The following SLC39A12 variants were observed in gnomAD, a reference collection of about 807,000 sequenced individuals.
SLC39A12 encodes the protein zinc transporter ZIP12.
A neutral mutation model predicts 71.1 loss-of-function variants in SLC39A12; 63 were observed. That is an observed-to-expected ratio of 0.89 (90% confidence interval 0.72 to 1.09). SLC39A12 has a LOEUF of 1.09. Ranked by LOEUF, SLC39A12 falls within the 50% of genes least tolerant of loss-of-function variation. SLC39A12 has a pLI of 0.00. For synonymous variants in SLC39A12, 351 were observed against 301.3 expected, an observed-to-expected ratio of 1.16 and a Z score of -1.71; for missense variants, 892 against 812.6, an observed-to-expected ratio of 1.10 and a Z score of -1.19.
intron 12 of SLC39A12, among the ~76,000 whole-genome samples, chr10:18,011,001 C>T (rs952937750): frequency 3.9e-5 from 6 of 152,086 alleles, no homozygotes; most frequent in South Asian, 4.1e-4. Context: ...CTTTTCATTT[C>T]GTTTCTCTTT....
chr10:17,996,080 CATT>C (rs1326138493), intron 10 of SLC39A12, among the ~76,000 whole-genome samples: 1 of 152,118 alleles, frequency 6.6e-6, no homozygotes, highest in Non-Finnish European at 1.5e-5. Flanking sequence ...ATGGATATAT[CATT>C]GTTTTTTCAT....
At chr10:18,022,795 G>T (rs1288914973) in intron 12 of SLC39A12, among the ~76,000 whole-genome samples, 2 of 152,158 alleles carry the variant, frequency 1.3e-5, no homozygotes, top group Non-Finnish European at 2.9e-5. Flanking sequence ...ATTTGAGCCT[G>T]GTCGGTTAGC....
chr10:18,000,771 T>C lies in SLC39A12; in HGVS notation c.1705T>C (p.Ser569Pro). The C allele has an allele frequency of 1.2e-6, 2 of 1,614,138 alleles. No individual in the cohort carries two copies. The highest frequency in any genetic ancestry group is 1.7e-6 in the Non-Finnish European group (2 of 1,180,010). ...AGCAGCCTTCTCATCATCATCCGAG[T>C]CAGGAGTGACCACTACGATTGCTAT... ...IGAAFSSSSE[S>P]GVTTTIAILC... The change falls in exon 11 of 13, where the codon TCA becomes CCA. Residue 569 changes from serine (S) to proline (P), a missense_variant. Physicochemically the swap from Ser to Pro is moderately conservative, Grantham distance 74. Coordinates refer to ENST00000377369, the MANE Select transcript of SLC39A12 (RefSeq NM_001145195.2).
At chr10:17,999,703 G>C (rs2478574) in intron 10 of SLC39A12, among the ~76,000 whole-genome samples, 139,531 of 152,282 alleles carry the variant, frequency 0.92, 64,085 homozygotes, top group African/African-American at 0.98. Context: ...TGTTCAACAT[G>C]TAACTGGCCT....
At chr10:17,990,838 G>C (rs1222204535) in intron 7 of SLC39A12, among the ~76,000 whole-genome samples, 1 of 152,198 alleles carries the variant, frequency 6.6e-6, no homozygotes, top group East Asian at 1.9e-4. Flanking sequence ...GAAGGACTGA[G>C]TTTGTGTGAA....
At chr10:18,028,649 A>G (rs959273307) in intron 12 of SLC39A12, among the ~76,000 whole-genome samples, 5 of 152,104 alleles carry the variant, frequency 3.3e-5, no homozygotes, top group African/African-American at 1.2e-4. Flanking sequence ...CTTCATGAGT[A>G]TTTTATTTTA....
chr10:18,029,714 C>G (rs1285498476), intron 12 of SLC39A12, among the ~76,000 whole-genome samples: 1 of 152,056 alleles, frequency 6.6e-6, no homozygotes, highest in East Asian at 1.9e-4. Flanking sequence ...CAGGACTTAA[C>G]TGCCCTGGAG....
At chr10:18,007,901 C>T (rs1836076924) in intron 12 of SLC39A12, among the ~76,000 whole-genome samples, 1 of 152,174 alleles carries the variant, frequency 6.6e-6, no homozygotes, top group African/African-American at 2.4e-5. Flanking sequence ...ATGTAGAATG[C>T]CTTAACTGTC....
intron 12 of SLC39A12, among the ~76,000 whole-genome samples, chr10:18,022,055 TC>T (rs1298623670): frequency 1.3e-5 from 2 of 152,202 alleles, no homozygotes; most frequent in African/African-American, 2.4e-5. Flanking sequence ...TAATATGTTT[TC>T]TTTTGTGTTG....
At chr10:17,964,312 C>G (rs1376281148) in intron 3 of SLC39A12, among the ~76,000 whole-genome samples, 1 of 152,190 alleles carries the variant, frequency 6.6e-6, no homozygotes, top group African/African-American at 2.4e-5. Flanking sequence ...CTTAGCCTTC[C>G]ACTCTGCTCT....
chr10:17,952,691 A>G lies in SLC39A12; in HGVS notation c.-86-500A>G, dbSNP rs1302819822. Among the ~76,000 whole-genome samples the G allele has an allele frequency of 4.0e-5, 6 of 151,716 alleles. 1 individual carries two copies. Among genetic ancestry groups the G allele is most frequent in the Admixed American group, 3.9e-4 (6 of 15,236 alleles). Reference sequence around the variant, plus strand: ...TCAGTAGAGACGGGGGTGTCACCATATTGGCCAGGCTGGTCTCAAACTCCT... The same window carrying G: ...TCAGTAGAGACGGGGGTGTCACCATGTTGGCCAGGCTGGTCTCAAACTCCT... On this transcript the variant is annotated intron_variant, in intron 1 of 12. Transcript: ENST00000377369.
chr10:17,952,267 G>C (rs1269441546), intron 1 of SLC39A12, among the ~76,000 whole-genome samples: 1 of 151,194 alleles, frequency 6.6e-6, no homozygotes, highest in East Asian at 2.0e-4. Context: ...AAGTTGATTG[G>C]CTCTAAAGTC....
chr10:17,992,603 G>C (rs565919909), intron 8 of SLC39A12, among the ~76,000 whole-genome samples: 105 of 152,190 alleles, frequency 6.9e-4, no homozygotes, highest in Middle Eastern at 6.8e-3. Flanking sequence ...AACATTTCTG[G>C]GTTGGGAAAA....
chr10:17,996,598 T>C (rs756919085), intron 10 of SLC39A12, among the ~76,000 whole-genome samples: 1 of 152,210 alleles, frequency 6.6e-6, no homozygotes, highest in Admixed American at 6.5e-5. Context: ...TAAGTAAGAA[T>C]AAATATTAAC....
intron 6 of SLC39A12, 72 bp downstream of exon 6, chr10:17,981,555 C>T: frequency 8.1e-7 from 1 of 1,230,618 alleles, no homozygotes; most frequent in Non-Finnish European, 1.1e-6. Context: ...ATGCAGGATA[C>T]TTACTATATA....
intron 12 of SLC39A12, among the ~76,000 whole-genome samples, chr10:18,028,403 T>G (rs982001329): frequency 3.9e-5 from 6 of 152,220 alleles, no homozygotes; most frequent in African/African-American, 1.2e-4. Context: ...AATGGGTCTT[T>G]AGTGATGCCA....
At chr10:18,018,997 C>T (rs1257315307) in intron 12 of SLC39A12, among the ~76,000 whole-genome samples, 6 of 152,074 alleles carry the variant, frequency 3.9e-5, no homozygotes, top group African/African-American at 1.4e-4. Context: ...TGGTAAAGTT[C>T]ATTGGTGAGC....
At chr10:18,034,759 T>C (rs1836950262) in intron 12 of SLC39A12, among the ~76,000 whole-genome samples, 1 of 151,576 alleles carries the variant, frequency 6.6e-6, no homozygotes. Context: ...TCTTTACATT[T>C]TGGCATGATT....
Position 18,042,794 on chromosome 10 carries a change from C to T in SLC39A12, c.2037C>T (p.Leu679=). The T allele has an allele frequency of 6.2e-7, 1 of 1,613,036 alleles. No homozygotes were observed. The highest frequency in any genetic ancestry group is 8.5e-7 in the Non-Finnish European group (1 of 1,179,592). Residue 679 remains leucine (L), a synonymous_variant, in exon 13 of 13, where the codon CTC becomes CTT. Transcript: ENST00000377369. ...NFGLILGWLS[L]LLLAIYEQNI... is the part of the protein sequence containing the mutation. ...GATTGATCCTAGGTTGGCTTTCTCT[C>T]CTGCTCTTGGCTATATATGAGCAAA...
Sources: gnomAD v4.1 joint callset for allele counts (sites outside exome capture counted in the v4.1 genomes callset) on GRCh38, gnomAD v4.1.1 for gene constraint, MANE v1.5 for transcripts, NCBI Gene and HGNC (gene_info 2026-07-23, HGNC 2026-07-21) for gene names.